Variants in ACAP2 observed in about 807,000 individuals in gnomAD.
ACAP2 encodes arf-GAP with coiled-coil, ANK repeat and PH domain-containing protein 2.
ACAP2 carries 39 observed loss-of-function variants against 115.8 expected under a neutral mutation model. The ratio of observed to expected loss-of-function variants is 0.34; its 90% CI spans 0.26 to 0.44. ACAP2 has a LOEUF of 0.44. Among genes scored for constraint, ACAP2 ranks in the 20% least tolerant of loss-of-function variants. The pLI is 1.00. For missense variants in ACAP2, 662 were observed against 927.6 expected (o/e 0.71, Z 3.72); for synonymous variants, 289 against 315.8 (o/e 0.92, Z 0.90).
intron 9 of ACAP2, among the ~76,000 whole-genome samples, 183 bp from the exon 10 acceptor site, chr3:195,320,996 TA>T (rs772724188): frequency 1.5e-4 from 23 of 152,262 alleles, no homozygotes; most frequent in Non-Finnish European, 3.1e-4. Flanking sequence ...TTCAATACAT[TA>T]AAGTATTTGA....
At position 195,297,358 on chromosome 3, in the gene ACAP2, A is replaced by T. The variant is rs973083667; in HGVS notation, c.1396-77T>A. 3.9e-6 allele frequency: 5 copies of T among 1,268,594 alleles called. No individual in the cohort carries two copies. In the Admixed American group the frequency reaches 1.1e-4, roughly 27 times the overall value. 78.6% of individuals were successfully genotyped at this position (1,268,594 alleles called of 1,614,324 possible). A position where few individuals can be genotyped will look rare whatever the true frequency, so the allele number is the denominator to read the frequency against. ...ATAAGCTAAAATTTAAAAATCCTTT[A>T]AGCAAGTACAGTTAACTAATCCCCT... On this transcript the variant is annotated intron_variant, in intron 15 of 22. Coordinates refer to ENST00000326793, the MANE Select transcript of ACAP2 (RefSeq NM_012287.6).
chr3:195,311,887 G>A (rs1728796560), intron 10 of ACAP2, among the ~76,000 whole-genome samples: 1 of 151,644 alleles, frequency 6.6e-6, no homozygotes, highest in South Asian at 2.1e-4. Context: ...GAAAAATAAG[G>A]TATCACTTTG....
At position 195,314,328 on chromosome 3, in the gene ACAP2, A is replaced by G. The variant is rs140518458; in HGVS notation, c.858-5491T>C. Among the ~76,000 whole-genome samples, 6 of 151,598 alleles carry G rather than the reference A, an allele frequency of 4.0e-5. No homozygotes were observed. The East Asian group carries it at 1.2e-3, about 29-fold the overall frequency. ...GTTGTCCAGGCTGGAGTGCAGTGGT[A>G]AAATCTCGGCTCACTGCAACCTCTG... On this transcript the variant is annotated intron_variant, in intron 10 of 22. Coordinates refer to ENST00000326793, the MANE Select transcript of ACAP2 (RefSeq NM_012287.6).
In ACAP2 at chr3:195,369,384, T is replaced by G. The variant is rs184006276; in HGVS notation, c.285+11625A>C. ...ATCACCCAGGTAACAAGCCTAGTACTTGATAAGTTATTTTTTTCCGATCCT... is the reference window on the plus strand; with the variant it reads ...ATCACCCAGGTAACAAGCCTAGTACGTGATAAGTTATTTTTTTCCGATCCT... On this transcript the variant is annotated intron_variant, in intron 4 of 22. Transcript: ENST00000326793. Among the ~76,000 whole-genome samples, 332 of 152,304 alleles carry G rather than the reference T, an allele frequency of 2.2e-3. 9 individuals carry two copies. Among genetic ancestry groups the G allele is most frequent in the Admixed American group, 0.021 (327 of 15,298 alleles).
chr3:195,300,044 C>CTTTTTTTTT (rs765234326), intron 15 of ACAP2, among the ~76,000 whole-genome samples: 32 of 34,346 alleles, frequency 9.3e-4, no homozygotes, highest in East Asian at 2.0e-3. Flanking sequence ...CTTTTTTTTT[C>CTTTTTTTTT]TTTTTTTTTT....
chr3:195,329,079 C>CA (rs57471736), intron 8 of ACAP2, among the ~76,000 whole-genome samples: 30,942 of 93,330 alleles, frequency 0.33, 4,162 homozygotes, highest in East Asian at 0.71. Flanking sequence ...GACTCCGTCT[C>CA]AAAAAAAAAA....
chr3:195,416,337 G>A (rs547217435), intron 1 of ACAP2, among the ~76,000 whole-genome samples: 326 of 147,656 alleles, frequency 2.2e-3, no homozygotes, highest in Non-Finnish European at 3.7e-3. Context: ...AGAGCAAGAC[G>A]CCGTCAAAAA....
At chr3:195,346,668 T>A (rs1359449316) in intron 4 of ACAP2, among the ~76,000 whole-genome samples, 1 of 152,156 alleles carries the variant, frequency 6.6e-6, no homozygotes, top group Non-Finnish European at 1.5e-5. Flanking sequence ...CAATCCTAGG[T>A]ATGTGGCCAA....
At chr3:195,399,778 A>C (rs1473650451) in intron 1 of ACAP2, among the ~76,000 whole-genome samples, 2 of 152,168 alleles carry the variant, frequency 1.3e-5, no homozygotes, top group African/African-American at 4.8e-5. Flanking sequence ...CTGGTGAATG[A>C]ATATCACACT....
chr3:195,298,902 A>T (rs1460519647), intron 15 of ACAP2, among the ~76,000 whole-genome samples: 1 of 152,142 alleles, frequency 6.6e-6, no homozygotes, highest in Non-Finnish European at 1.5e-5. Context: ...AAGTGCTGGG[A>T]TTATAGGCGT....
chr3:195,285,853 G>A lies in ACAP2; in HGVS notation c.2179C>T (p.Arg727Cys), dbSNP rs1197419362. Residue 727 changes from arginine to cysteine, a missense_variant, in exon 22 of 23, where the codon CGT becomes TGT. Physicochemically the swap from Arg to Cys is radical, Grantham distance 180. Around this residue, in one of 3 missense-constraint regions of ACAP2, gnomAD observed 128 missense variants for 200.2 expected, o/e 0.64. Coordinates refer to ENST00000326793, the MANE Select transcript of ACAP2 (RefSeq NM_012287.6). ...ATCTCTTCATTCATTCTTGCTAAAC[G>A]TAACCTAAAAATAAATAAAATAGTG... is the stretch of plus-strand genomic sequence containing the variant. ...AANADIVTLL[R>C]LARMNEEMRE... 1.9e-6 allele frequency: 3 copies of A among 1,609,126 alleles called. No individual in the cohort carries two copies. Among genetic ancestry groups the A allele is most frequent in the Non-Finnish European group, 2.5e-6 (3 of 1,177,994 alleles).
intron 1 of ACAP2, among the ~76,000 whole-genome samples, chr3:195,426,486 C>T (rs1395041605): frequency 6.6e-6 from 1 of 152,106 alleles, no homozygotes; most frequent in Non-Finnish European, 1.5e-5. Flanking sequence ...AAGCAAGTAA[C>T]CTAAGAGTGT....
chr3:195,404,892 G>T (rs1712622290), intron 1 of ACAP2, among the ~76,000 whole-genome samples: 2 of 151,144 alleles, frequency 1.3e-5, no homozygotes, highest in Non-Finnish European at 2.9e-5. Context: ...CTGCTTCCCA[G>T]GTTCAAGCGA....
intron 13 of ACAP2, among the ~76,000 whole-genome samples, chr3:195,303,596 A>AATAC (rs560761203): frequency 0.013 from 1,879 of 147,552 alleles, 13 homozygotes; most frequent in Non-Finnish European, 0.02. Flanking sequence ...TATGTACATA[A>AATAC]ATACATACAT....
chr3:195,431,560 C>T (rs900564514), intron 1 of ACAP2, among the ~76,000 whole-genome samples: 9 of 152,146 alleles, frequency 5.9e-5, no homozygotes, highest in African/African-American at 2.2e-4. Context: ...GCCTCAGCCT[C>T]CCGAGTAGCT....
chr3:195,363,646 CAA>C (rs796609405), intron 4 of ACAP2, among the ~76,000 whole-genome samples: 8,492 of 95,600 alleles, frequency 0.089, 407 homozygotes, highest in East Asian at 0.42. Context: ...CACACACACA[CAA>C]AAACAGAATA....
At chr3:195,428,299 CATAG>C (rs1714836968) in intron 1 of ACAP2, among the ~76,000 whole-genome samples, 1 of 149,456 alleles carries the variant, frequency 6.7e-6, no homozygotes, top group African/African-American at 2.5e-5. Flanking sequence ...GGTATACATA[CATAG>C]ATATATATAC....
intron 8 of ACAP2, among the ~76,000 whole-genome samples, chr3:195,327,200 A>G (rs1428992401): frequency 1.3e-5 from 2 of 152,212 alleles, no homozygotes; most frequent in African/African-American, 4.8e-5. Flanking sequence ...GGTGCCATAC[A>G]TATACGATTG....
At chr3:195,368,951 G>A (rs1247067212) in intron 4 of ACAP2, among the ~76,000 whole-genome samples, 1 of 152,192 alleles carries the variant, frequency 6.6e-6, no homozygotes, top group Non-Finnish European at 1.5e-5. Context: ...GGGCATGGCG[G>A]TGGGTGCCTG....
Sources: allele counts gnomAD v4.1 joint callset (sites outside exome capture counted in the v4.1 genomes callset), GRCh38; gene constraint gnomAD v4.1.1; regional missense constraint gnomAD v4.1.1; transcripts MANE v1.5; gene names NCBI Gene and HGNC (gene_info 2026-07-23, HGNC 2026-07-21).